CDH13: variants seen among roughly 807,000 people sequenced by gnomAD.
CDH13 encodes the protein cadherin 13.
A neutral mutation model predicts 63.8 loss-of-function variants in CDH13; 24 were observed. The ratio of observed to expected loss-of-function variants is 0.38; its 90% confidence interval spans 0.27 to 0.53. The LOEUF is 0.53. Ranked by LOEUF, CDH13 falls within the 20% of genes least tolerant of loss-of-function variation. CDH13 has a pLI of 0.85. For missense variants in CDH13, 1,049 were observed against 903.1 expected, an observed-to-expected ratio of 1.16 and a Z score of -2.07; for synonymous variants, 503 against 355.3, an observed-to-expected ratio of 1.42 and a Z score of -4.67.
intron 6 of CDH13, among the ~76,000 whole-genome samples, chr16:83,465,575 A>T (rs149985230): frequency 1.3e-5 from 2 of 152,326 alleles, no homozygotes; most frequent in African/African-American, 4.8e-5. Flanking sequence ...TTTTTAATTG[A>T]TAAGAGCAGC....
chr16:83,483,911 G>C (rs1286717599), intron 6 of CDH13, among the ~76,000 whole-genome samples: 1 of 152,196 alleles, frequency 6.6e-6, no homozygotes, highest in East Asian at 1.9e-4. Flanking sequence ...ACAGAGTCAT[G>C]CTGTTCCTGC....
intron 1 of CDH13, among the ~76,000 whole-genome samples, chr16:82,805,171 G>A (rs2037081350): frequency 6.6e-6 from 1 of 152,164 alleles, no homozygotes; most frequent in Admixed American, 6.5e-5. Context: ...CCAGGTCCAT[G>A]TGTCCTTCTC....
At position 83,795,423 on chromosome 16, in the gene CDH13, T is replaced by C. The variant is rs572144046; in HGVS notation, c.*393T>C. ...TCTGTATGTATATATACACGGTATT[T>C]ATAGAGAGAGACTATCCTGGAGAAG... On this transcript the variant is annotated 3_prime_UTR_variant, in exon 14 of 14. Coordinates refer to ENST00000567109, the MANE Select transcript of CDH13 (RefSeq NM_001257.5). The C allele has an allele frequency of 1.7e-5, 3 of 175,004 alleles. No individual in the cohort carries two copies. In the Admixed American group the frequency reaches 1.7e-4, roughly 10 times the overall value. 10.8% of individuals were successfully genotyped at this position (175,004 alleles called of 1,614,324 possible).
At chr16:83,034,629 G>C (rs1314334257) in intron 3 of CDH13, among the ~76,000 whole-genome samples, 1 of 152,162 alleles carries the variant, frequency 6.6e-6, no homozygotes, top group African/African-American at 2.4e-5. Flanking sequence ...TTTGCCCATG[G>C]GCTTGAATGC....
chr16:83,692,861 A>G (rs1244299564), intron 10 of CDH13, among the ~76,000 whole-genome samples: 2 of 152,170 alleles, frequency 1.3e-5, no homozygotes, highest in Non-Finnish European at 2.9e-5. Context: ...AGGCAGGTGG[A>G]TCACGAGGTC....
At chr16:82,907,004 G>A (rs887508436) in intron 2 of CDH13, among the ~76,000 whole-genome samples, 20 of 152,166 alleles carry the variant, frequency 1.3e-4, no homozygotes, top group Admixed American at 7.9e-4. Context: ...CTGAGGTTCT[G>A]GATGAACATG....
At chr16:83,724,408 TGAATGCATAGGTGAGTGAG>T (rs1910121451) in intron 10 of CDH13, among the ~76,000 whole-genome samples, 2 of 137,446 alleles carry the variant, frequency 1.5e-5, no homozygotes, top group South Asian at 2.7e-4. Context: ...GGGTGAGTGA[TGAATGCATAGGTGAGTGAG>T]GAATGCATGG....
intron 1 of CDH13, among the ~76,000 whole-genome samples, chr16:82,663,151 T>A (rs1293508818): frequency 2.0e-5 from 3 of 152,168 alleles, no homozygotes; most frequent in Admixed American, 6.5e-5. Context: ...ATACCCTTAC[T>A]GAAGTGGCCC....
At chr16:82,653,156 G>A (rs1430551746) in intron 1 of CDH13, among the ~76,000 whole-genome samples, 1 of 152,084 alleles carries the variant, frequency 6.6e-6, no homozygotes, top group South Asian at 2.1e-4. Context: ...CTTATTGAAC[G>A]GTTTTTCCAA....
intron 7 of CDH13, among the ~76,000 whole-genome samples, chr16:83,529,767 A>C (rs1043723572): frequency 6.6e-6 from 1 of 152,206 alleles, no homozygotes; most frequent in Non-Finnish European, 1.5e-5. Context: ...GAAAAATACA[A>C]TATTGATATT....
At chr16:83,513,460 C>G (rs1598196375) in intron 7 of CDH13, among the ~76,000 whole-genome samples, 1 of 151,418 alleles carries the variant, frequency 6.6e-6, no homozygotes, top group South Asian at 2.1e-4. Context: ...GCTATAAAGA[C>G]TTACCCTAGA....
chr16:83,608,631 A>G (rs1908570386), intron 8 of CDH13, among the ~76,000 whole-genome samples: 1 of 150,012 alleles, frequency 6.7e-6, no homozygotes, highest in African/African-American at 2.5e-5. Flanking sequence ...GACTTCAGGC[A>G]TACACCACCA....
intron 1 of CDH13, among the ~76,000 whole-genome samples, chr16:82,660,798 A>G (rs1054011344): frequency 4.6e-5 from 7 of 152,228 alleles, no homozygotes; most frequent in Admixed American, 3.9e-4. Context: ...CCCTCGTTTT[A>G]TTTAGACGTC....
rs1319159178 is a variant in CDH13, at chr16:83,379,936, TATAG to T, written c.781+34932_781+34935del. ...GTGTGTGTGTATATATATATATATA[TATAG>T]AGAGAGAGAGAGAGAGAGAGAGAGA... is the stretch of plus-strand genomic sequence containing the variant. On this transcript the variant is annotated intron_variant, in intron 6 of 13. Transcript: ENST00000567109. Among the ~76,000 whole-genome samples, 53 of 91,804 alleles carry T rather than the reference TATAG, an allele frequency of 5.8e-4. 1 individual carries two copies. The highest frequency in any genetic ancestry group is 2.0e-3 in the African/African-American group (49 of 24,794). The allele number at this position is 91,804 out of a possible 152,430, so 60.2% of individuals were successfully genotyped here. A position where few individuals can be genotyped will look rare whatever the true frequency, so the allele number is the denominator to read the frequency against.
chr16:82,860,866 C>G (rs755561276), intron 2 of CDH13, among the ~76,000 whole-genome samples: 13 of 152,132 alleles, frequency 8.5e-5, no homozygotes, highest in African/African-American at 2.4e-5. Flanking sequence ...AGTAGCGGTT[C>G]AATTGAATAA....
At chr16:83,578,916 C>G (rs138925518) in intron 7 of CDH13, among the ~76,000 whole-genome samples, 2 of 152,192 alleles carry the variant, frequency 1.3e-5, no homozygotes, top group African/African-American at 4.8e-5. Context: ...GTTAACGTAC[C>G]TAAAGTCCTA....
intron 1 of CDH13, among the ~76,000 whole-genome samples, chr16:82,718,853 T>C (rs2032570255): frequency 6.6e-6 from 1 of 152,010 alleles, no homozygotes. Context: ...CAATTCAAGA[T>C]GAAATTTGGA....
intron 6 of CDH13, among the ~76,000 whole-genome samples, chr16:83,463,931 A>G (rs2073243661): frequency 6.6e-6 from 1 of 152,180 alleles, no homozygotes; most frequent in Non-Finnish European, 1.5e-5. Flanking sequence ...CAGAAGGAGA[A>G]CTAGAAGTAT....
At chr16:83,371,890 A>G (rs753995571) in intron 6 of CDH13, among the ~76,000 whole-genome samples, 133 of 152,336 alleles carry the variant, frequency 8.7e-4, no homozygotes, top group Admixed American at 1.5e-3. Flanking sequence ...TAAAGGAACA[A>G]GAACATTGTC....
Sources: gnomAD v4.1 joint callset for allele counts (sites outside exome capture counted in the v4.1 genomes callset) on GRCh38, gnomAD v4.1.1 for gene constraint, MANE v1.5 for transcripts, NCBI Gene and HGNC (gene_info 2026-07-23, HGNC 2026-07-21) for gene names.